The following OSBP2 variants were observed in gnomAD, a reference collection of about 807,000 sequenced individuals.
The protein encoded by OSBP2 is oxysterol binding protein 2.
In OSBP2, 66 loss-of-function variants were observed where a neutral mutation model predicts 96.0. The ratio of observed to expected loss-of-function variants is 0.69; its 90% CI spans 0.56 to 0.84. OSBP2 has a LOEUF of 0.84. OSBP2 is among the 40% of genes least tolerant of loss of function. The pLI, the probability that OSBP2 is intolerant of heterozygous loss-of-function variation, is 0.00. For missense variants in OSBP2, 1,038 were observed against 1,222.7 expected, an observed-to-expected ratio of 0.85 and a Z score of 2.25; for synonymous variants, 525 against 520.9, an observed-to-expected ratio of 1.01 and a Z score of -0.11.
intron 2 of OSBP2, among the ~76,000 whole-genome samples, chr22:30,762,102 T>C (rs4820901): frequency 0.25 from 38,317 of 151,686 alleles, 4,990 homozygotes; most frequent in East Asian, 0.3. Flanking sequence ...GCAACTGTAG[T>C]CTCAGCTATT....
chr22:30,809,488 C>A (rs1004744175), intron 2 of OSBP2, among the ~76,000 whole-genome samples: 1 of 152,194 alleles, frequency 6.6e-6, no homozygotes, highest in Non-Finnish European at 1.5e-5. Flanking sequence ...CAGAGATGAG[C>A]AGAAGTCCAC....
intron 2 of OSBP2, among the ~76,000 whole-genome samples, chr22:30,760,772 C>T (rs1186037221): frequency 6.6e-6 from 1 of 151,522 alleles, no homozygotes; most frequent in Non-Finnish European, 1.5e-5. Flanking sequence ...GAGTGGAGAT[C>T]GCACCACTGC....
intron 2 of OSBP2, among the ~76,000 whole-genome samples, chr22:30,761,839 A>G (rs1238388222): frequency 1.3e-5 from 2 of 152,228 alleles, no homozygotes; most frequent in Non-Finnish European, 2.9e-5. Flanking sequence ...TTTAATTGAG[A>G]AAGGTTAGTC....
intron 2 of OSBP2, among the ~76,000 whole-genome samples, chr22:30,863,976 G>GTT (rs910786315): frequency 2.4e-4 from 34 of 143,712 alleles, no homozygotes; most frequent in East Asian, 2.0e-3. Flanking sequence ...TTTTTTTGTT[G>GTT]TTTTTTTTTT....
chr22:30,907,317 T>TTATA lies in OSBP2; in HGVS notation c.*990_*993dup, dbSNP rs200051727. ...CCCCTGAACTCTTTATTTGCCTAAT[T>TTATA]TATATATATATATATGAGATATATA... On this transcript the variant is annotated 3_prime_UTR_variant, in exon 14 of 14. Coordinates refer to ENST00000332585, the MANE Select transcript of OSBP2 (RefSeq NM_030758.4). 15 of 150,218 alleles carry TTATA rather than the reference T, an allele frequency of 1.0e-4. No homozygotes were observed. The highest frequency in any genetic ancestry group is 2.9e-4 in the African/African-American group (12 of 40,962). The allele number at this position is 150,218 out of a possible 1,614,324, so 9.3% of individuals were successfully genotyped here. A position where few individuals can be genotyped will look rare whatever the true frequency, so the allele number is the denominator to read the frequency against.
intron 1 of OSBP2, among the ~76,000 whole-genome samples, chr22:30,713,486 G>A (rs926304127): frequency 5.3e-5 from 5 of 93,526 alleles, no homozygotes; most frequent in Non-Finnish European, 1.3e-4. Flanking sequence ...ATTTAGACAG[G>A]GTCTTGCTCT....
chr22:30,843,446 C>CG (rs1440380968), intron 2 of OSBP2, among the ~76,000 whole-genome samples: 1 of 116,714 alleles, frequency 8.6e-6, no homozygotes, highest in East Asian at 2.2e-4. Context: ...GGAATCTTTC[C>CG]CCCCTCCCCC....
intron 12 of OSBP2, among the ~76,000 whole-genome samples, chr22:30,899,732 T>C (rs1405559799): frequency 2.0e-5 from 3 of 152,032 alleles, no homozygotes; most frequent in Non-Finnish European, 1.5e-5. Context: ...TAAGCAAAAA[T>C]CTAAAACGAT....
chr22:30,722,006 T>TA (rs2089559409), intron 1 of OSBP2, among the ~76,000 whole-genome samples: 1 of 152,172 alleles, frequency 6.6e-6, no homozygotes, highest in African/African-American at 2.4e-5. Flanking sequence ...TGTGATGATT[T>TA]AAAAAACAAA....
intron 2 of OSBP2, among the ~76,000 whole-genome samples, chr22:30,835,085 G>C (rs1287683354): frequency 2.0e-5 from 3 of 151,862 alleles, no homozygotes; most frequent in Non-Finnish European, 4.4e-5. Flanking sequence ...AAAGTGCTGG[G>C]GTTACACCAT....
Position 30,871,918 on chromosome 22 carries a change from C to T in OSBP2, c.1107+1236C>T, listed in dbSNP as rs868338420. ...CTGCCCAGATATGCTCAGGCTCAGG[C>T]CTGGAGCACCCAAATGCAGCCTTGG... is the stretch of plus-strand genomic sequence containing the variant. On this transcript the variant is annotated intron_variant, in intron 3 of 13. Transcript: ENST00000332585. This position sits in a 1 kb window ranked among gnomAD's most constrained non-coding sequence, Gnocchi z 4.7. Among the ~76,000 whole-genome samples the T allele has an allele frequency of 1.3e-5, 2 of 152,252 alleles. No homozygotes were observed. The highest frequency in any genetic ancestry group is 6.5e-5 in the Admixed American group (1 of 15,294).
intron 3 of OSBP2, among the ~76,000 whole-genome samples, chr22:30,887,044 G>A (rs1476106963): frequency 3.9e-5 from 6 of 152,140 alleles, no homozygotes; most frequent in African/African-American, 1.2e-4. Context: ...TGCTAAACAA[G>A]GGGTGGATTA....
chr22:30,710,285 C>T (rs1322729304), intron 1 of OSBP2, among the ~76,000 whole-genome samples: 2 of 152,322 alleles, frequency 1.3e-5, no homozygotes, highest in South Asian at 4.1e-4. Context: ...CAGTGCTTGA[C>T]TCTTTCCTGT....
intron 1 of OSBP2, among the ~76,000 whole-genome samples, chr22:30,737,964 G>A (rs746462753): frequency 7.2e-5 from 11 of 151,906 alleles, no homozygotes; most frequent in African/African-American, 2.2e-4. Context: ...CACCCGGCTC[G>A]GCCTCCCAAA....
rs116039173 is a variant in OSBP2 at position 30,832,720 on chromosome 22, G to A, written c.854-37709G>A. On this transcript the variant is annotated intron_variant, in intron 2 of 13. Coordinates refer to ENST00000332585, the MANE Select transcript of OSBP2 (RefSeq NM_030758.4). ...CTTGAAGACAGCAGAGTTTCCTTGC[G>A]GGGTATTAACTTCTCAGGGGCCTCC... Among the ~76,000 whole-genome samples the A allele has an allele frequency of 2.6e-3, 394 of 152,244 alleles. 3 individuals carry two copies. The highest frequency in any genetic ancestry group is 9.3e-3 in the African/African-American group (388 of 41,520).
At chr22:30,757,750 C>T (rs1215154107) in intron 2 of OSBP2, among the ~76,000 whole-genome samples, 3 of 152,084 alleles carry the variant, frequency 2.0e-5, no homozygotes, top group African/African-American at 4.8e-5. Context: ...GTAGCCTCAA[C>T]CTCTCTCCTG....
intron 2 of OSBP2, among the ~76,000 whole-genome samples, chr22:30,792,579 C>T (rs906338641): frequency 3.3e-5 from 5 of 152,082 alleles, no homozygotes; most frequent in Admixed American, 3.3e-4. Context: ...CTGGTCTTGC[C>T]ACCAGCATAT....
At chr22:30,767,707 A>C (rs1385485359) in intron 2 of OSBP2, among the ~76,000 whole-genome samples, 1 of 152,202 alleles carries the variant, frequency 6.6e-6, no homozygotes, top group Non-Finnish European at 1.5e-5. Flanking sequence ...GGGGCCGCAC[A>C]TGTGCTTCCA....
In OSBP2 at chr22:30,694,903, C is replaced by T. The variant is rs764935927; in HGVS notation, c.-7C>T. 8 of 1,309,592 alleles carry T rather than the reference C, an allele frequency of 6.1e-6. No homozygotes were observed. The highest frequency in any genetic ancestry group is 7.8e-6 in the Non-Finnish European group (8 of 1,021,966). 81.1% of individuals were successfully genotyped at this position (1,309,592 alleles called of 1,614,324 possible). ...GCCGCTCGGCCGCGCGCGGGTCGGC[C>T]GGCTCTATGGGGAAAGCGGCGGCTC... is the stretch of plus-strand genomic sequence containing the variant. On this transcript the variant is annotated 5_prime_UTR_variant, in exon 1 of 14. Transcript: ENST00000332585.
Sources: gnomAD v4.1 joint callset for allele counts (sites outside exome capture counted in the v4.1 genomes callset) on GRCh38, gnomAD v4.1.1 for gene constraint, Gnocchi (gnomAD v3.1) non-coding constraint, MANE v1.5 for transcripts, NCBI Gene and HGNC (gene_info 2026-07-23, HGNC 2026-07-21) for gene names.